The following ARHGEF28 variants were observed in gnomAD, a reference collection of about 807,000 sequenced individuals.
ARHGEF28 encodes Rho guanine nucleotide exchange factor 28, also known as 190 kDa guanine nucleotide exchange factor.
Under a neutral mutation model 206.6 loss-of-function variants are expected in ARHGEF28, and 152 were observed. That is an observed-to-expected ratio of 0.74 (90% confidence interval 0.64 to 0.84). The LOEUF (loss-of-function observed/expected upper bound fraction) is 0.84, where lower values mean the gene tolerates loss of function less well. ARHGEF28 is among the 40% of genes least tolerant of loss of function. The pLI is 0.00. For synonymous variants in ARHGEF28, 763 were observed against 776.4 expected (o/e 0.98, Z 0.29); for missense variants, 2,028 against 2,073.2 (o/e 0.98, Z 0.42).
intron 9 of ARHGEF28, among the ~76,000 whole-genome samples, chr5:73,808,661 C>T (rs1471920469): frequency 6.6e-6 from 1 of 152,190 alleles, no homozygotes; most frequent in Non-Finnish European, 1.5e-5. Context: ...TGCACTGGCT[C>T]AGCTTATCCA....
rs551174725 is a variant in ARHGEF28 at position 73,821,939 on chromosome 5, G to A, written c.1025-10399G>A. Among the ~76,000 whole-genome samples, 14 of 152,258 alleles carry A rather than the reference G, an allele frequency of 9.2e-5. No individual in the cohort carries two copies. The South Asian group carries it at 2.7e-3, about 29-fold the overall frequency. On this transcript the variant is annotated intron_variant, in intron 9 of 35. Transcript: ENST00000513042. ...CTACTTTGTGCTACTACAATGCGGA[G>A]TGAGGACTTGGAAAGATTGGTTTTT... is the stretch of plus-strand genomic sequence containing the variant.
intron 2 of ARHGEF28, among the ~76,000 whole-genome samples, chr5:73,695,705 C>A (rs1642790788): frequency 6.6e-6 from 1 of 152,180 alleles, no homozygotes; most frequent in South Asian, 2.1e-4. Context: ...CTGCTGATGG[C>A]CATGGCTGTC....
intron 22 of ARHGEF28, among the ~76,000 whole-genome samples, chr5:73,878,850 C>T (rs929366653): frequency 2.0e-5 from 3 of 151,494 alleles, no homozygotes; most frequent in African/African-American, 7.3e-5. Flanking sequence ...CTCTGGCTGC[C>T]CTTAACATTT....
rs1561484164 is a variant in ARHGEF28 at position 73,883,917 on chromosome 5, CCT to C, written c.3055+36_3055+37del. On this transcript the variant is annotated intron_variant, in intron 24 of 35. Coordinates refer to ENST00000513042, the MANE Select transcript of ARHGEF28 (RefSeq NM_001177693.2). The stretch of plus-strand genomic sequence containing the variant: ...GTGACTTCTGGGATAAAAATTTGCC[CCT>C]CTTATTAGTTTTAAACACAGTTGAG... 3 of 1,393,538 alleles carry C rather than the reference CCT, an allele frequency of 2.2e-6. No individual in the cohort carries two copies. In the African/African-American group the frequency reaches 4.4e-5, roughly 21 times the overall value. The allele number at this position is 1,393,538 out of a possible 1,614,324, so 86.3% of individuals were successfully genotyped here.
intron 22 of ARHGEF28, among the ~76,000 whole-genome samples, chr5:73,881,655 G>A (rs1331143278): frequency 6.6e-5 from 10 of 152,134 alleles, no homozygotes; most frequent in Admixed American, 6.6e-4. Flanking sequence ...CTTTTAAGAG[G>A]GTGGGTGTGT....
At chr5:73,832,792 A>G (rs369888803) in intron 10 of ARHGEF28, among the ~76,000 whole-genome samples, 1 of 152,226 alleles carries the variant, frequency 6.6e-6, no homozygotes, top group African/African-American at 2.4e-5. Context: ...TTCAAAAAAC[A>G]GTATGTATAT....
intron 7 of ARHGEF28, among the ~76,000 whole-genome samples, chr5:73,793,060 A>G (rs143934266): frequency 1.6e-4 from 24 of 152,310 alleles, no homozygotes; most frequent in African/African-American, 5.5e-4. Context: ...TGACCACACA[A>G]AATTGGGGTT....
intron 2 of ARHGEF28, among the ~76,000 whole-genome samples, chr5:73,742,563 G>C (rs995819784): frequency 6.6e-6 from 1 of 151,594 alleles, no homozygotes; most frequent in Non-Finnish European, 1.5e-5. Context: ...AGTGGCTCAC[G>C]CCTGTAATCC....
chr5:73,883,583 G>A (rs1356649693), intron 23 of ARHGEF28, among the ~76,000 whole-genome samples, 184 bp from the exon 24 acceptor site: 1 of 152,054 alleles, frequency 6.6e-6, no homozygotes, highest in Non-Finnish European at 1.5e-5. Context: ...TGGAGAGTTG[G>A]GGTACTGAAA....
At chr5:73,936,638 A>G (rs918845253) in intron 35 of ARHGEF28, among the ~76,000 whole-genome samples, 6 of 152,232 alleles carry the variant, frequency 3.9e-5, no homozygotes, top group African/African-American at 9.6e-5. Context: ...GAGAGGGGCA[A>G]TGACTTGCCT....
At chr5:73,907,200 A>T (rs1762602362) in intron 33 of ARHGEF28, among the ~76,000 whole-genome samples, 1 of 152,184 alleles carries the variant, frequency 6.6e-6, no homozygotes, top group Non-Finnish European at 1.5e-5. Context: ...CTGGGAAGGG[A>T]TACAGTTTGA....
chr5:73,909,607 C>G lies in ARHGEF28; in HGVS notation c.4357C>G (p.Arg1453Gly). ...LQHQLQQEQR[R>G]WLRRCEQQQR... The stretch of plus-strand genomic sequence containing the variant: ...GCACCAGCTCCAGCAGGAGCAGCGG[C>G]GCTGGCTGCGCAGGTGTGAGCAGCA... The change falls in exon 34 of 36, where the codon CGC becomes GGC. Residue 1453 changes from arginine (R) to glycine (G), a missense_variant. Transcript: ENST00000513042. 5 of 1,553,288 alleles carry G rather than the reference C, an allele frequency of 3.2e-6. No homozygotes were observed. The highest frequency in any genetic ancestry group is 4.4e-6 in the Non-Finnish European group (5 of 1,148,696).
intron 9 of ARHGEF28, among the ~76,000 whole-genome samples, chr5:73,817,151 C>T (rs1052825214): frequency 6.6e-6 from 1 of 152,162 alleles, no homozygotes; most frequent in African/African-American, 2.4e-5. Flanking sequence ...TTCCTTTATG[C>T]CTTTTATCCA....
chr5:73,651,812 G>T (rs1175288406), intron 1 of ARHGEF28, among the ~76,000 whole-genome samples: 1 of 151,972 alleles, frequency 6.6e-6, no homozygotes, highest in Non-Finnish European at 1.5e-5. Flanking sequence ...GTATATCTTT[G>T]TCTGAACTTA....
At position 73,892,196 on chromosome 5, in the gene ARHGEF28, A is replaced by C; in HGVS notation, c.3532A>C (p.Asn1178His). 1.3e-6 allele frequency: 2 copies of C among 1,573,700 alleles called. No individual in the cohort carries two copies. The highest frequency in any genetic ancestry group is 2.3e-5 in the South Asian group (2 of 85,598). ...IHTNSKEERN[N>H]WMRRIQQAVE... is the part of the protein sequence containing the mutation. Reference sequence around the variant, plus strand: ...CACCAATTCCAAGGAGGAACGCAATAACTGGATGAGACGGATCCAGCAGGC... The same window carrying C: ...CACCAATTCCAAGGAGGAACGCAATCACTGGATGAGACGGATCCAGCAGGC... The change falls in exon 27 of 36, where the codon AAC becomes CAC. Residue 1178 changes from asparagine (N) to histidine (H), a missense_variant. By Grantham distance (68) the Asn-to-His change is moderately conservative. Coordinates refer to ENST00000513042, the MANE Select transcript of ARHGEF28 (RefSeq NM_001177693.2).
chr5:73,704,976 C>T (rs571495997), intron 2 of ARHGEF28, among the ~76,000 whole-genome samples: 59 of 152,178 alleles, frequency 3.9e-4, no homozygotes, highest in Non-Finnish European at 5.6e-4. Context: ...GAGACAGGAC[C>T]GGAAGGGGAC....
rs146735119 is a variant in ARHGEF28 at position 73,729,239 on chromosome 5, T to C, written c.34-20598T>C. ...CTCATTTGTCAAATGAGGATTATAA[T>C]AGACACCTACCTCAAAGGACTGTTG... On this transcript the variant is annotated intron_variant, in intron 2 of 35. Transcript: ENST00000513042. 4.7e-4 allele frequency among the ~76,000 whole-genome samples: 71 copies of C among 152,308 alleles called. No individual in the cohort carries two copies. The East Asian group carries it at 0.013, about 29-fold the overall frequency.
intron 2 of ARHGEF28, among the ~76,000 whole-genome samples, chr5:73,723,681 T>C (rs1750101683): frequency 6.6e-6 from 1 of 152,160 alleles, no homozygotes. Context: ...AGTTTCTTGT[T>C]CTCAAATCCA....
intron 18 of ARHGEF28, 86 bp from the exon 19 acceptor site, chr5:73,867,790 G>A: frequency 1.9e-6 from 3 of 1,553,092 alleles, no homozygotes; most frequent in East Asian, 2.3e-5. Context: ...GTCATTGCAG[G>A]GTTTAGCTTT....
Sources: gnomAD v4.1 joint callset for allele counts (sites outside exome capture counted in the v4.1 genomes callset) on GRCh38, gnomAD v4.1.1 for gene constraint, MANE v1.5 for transcripts, NCBI Gene and HGNC (gene_info 2026-07-23, HGNC 2026-07-21) for gene names.